The following SMG7 variants were observed in gnomAD, a reference collection of about 807,000 sequenced individuals.
SMG7 encodes nonsense-mediated mRNA decay factor SMG7.
In SMG7, 34 loss-of-function variants were observed where a neutral mutation model predicts 148.2. The ratio of observed to expected loss-of-function variants is 0.23; its 90% CI spans 0.17 to 0.31. SMG7 has a LOEUF of 0.31. Among genes scored for constraint, SMG7 ranks in the 10% least tolerant of loss-of-function variants. SMG7 has a pLI of 1.00. For missense variants in SMG7, 1,114 were observed against 1,408.4 expected (o/e 0.79, Z 3.35); for synonymous variants, 492 against 515.1 (o/e 0.96, Z 0.61).
Position 183,542,172 on chromosome 1 carries a change from C to T in SMG7, c.1512C>T (p.Leu504=), listed in dbSNP as rs745637571. The change falls in exon 14 of 23, where the codon CTC becomes CTT. Residue 504 remains leucine, a synonymous_variant. Coordinates refer to ENST00000688051, the MANE Select transcript of SMG7 (RefSeq NM_001375584.1). ...LEDPSEAKEN[L]ILQETSVIES... ...ACCCCAGTGAAGCCAAAGAGAACCT[C>T]ATTCTGCAAGAAACATCTGTGATAG... The T allele has an allele frequency of 6.2e-7, 1 of 1,614,118 alleles. No homozygotes were observed.
intron 9 of SMG7, 69 bp downstream of exon 9, chr1:183,533,395 T>G: frequency 4.8e-6 from 7 of 1,451,670 alleles, no homozygotes; most frequent in Non-Finnish European, 6.7e-6. Flanking sequence ...TTCATCGATG[T>G]AGCAAAGCAC....
intron 4 of SMG7, among the ~76,000 whole-genome samples, chr1:183,526,135 A>G (rs971931529): frequency 7.4e-6 from 1 of 135,550 alleles, no homozygotes; most frequent in South Asian, 2.4e-4. Flanking sequence ...AGATTAACGT[A>G]TAATATATAT....
intron 12 of SMG7, among the ~76,000 whole-genome samples, chr1:183,538,786 T>C (rs1326653698): frequency 2.0e-5 from 3 of 152,132 alleles, no homozygotes; most frequent in African/African-American, 4.8e-5. Context: ...TTTAGCCTAG[T>C]AACATTTAAG....
At chr1:183,535,922 T>G (rs1667684489) in intron 10 of SMG7, among the ~76,000 whole-genome samples, 1 of 152,122 alleles carries the variant, frequency 6.6e-6, no homozygotes, top group Non-Finnish European at 1.5e-5. Context: ...CAAAGGTTTG[T>G]AGCAGACGTT....
At chr1:183,509,114 C>T (rs1268774446) in intron 1 of SMG7, among the ~76,000 whole-genome samples, 13 of 152,080 alleles carry the variant, frequency 8.5e-5, no homozygotes, top group Non-Finnish European at 4.4e-5. Flanking sequence ...CTGAAAACAG[C>T]CACAGACAAC....
chr1:183,543,943 A>G (rs908261138), intron 14 of SMG7, among the ~76,000 whole-genome samples: 12 of 152,230 alleles, frequency 7.9e-5, no homozygotes, highest in Admixed American at 4.6e-4. Context: ...CTATGGGTTA[A>G]TAGTCATTAT....
At chr1:183,548,869 G>A (rs1387033005) in intron 18 of SMG7, 1 of 287,492 alleles carries the variant, frequency 3.5e-6, no homozygotes, top group East Asian at 7.5e-5. Context: ...GAACAGTTCA[G>A]CATTTTGTTT....
At chr1:183,523,226 T>C (rs1033780477) in intron 4 of SMG7, among the ~76,000 whole-genome samples, 2 of 152,200 alleles carry the variant, frequency 1.3e-5, no homozygotes, top group African/African-American at 4.8e-5. Context: ...TCTTTCATTC[T>C]TGGCATGGAA....
chr1:183,533,805 A>G lies in SMG7; in HGVS notation c.1136A>G (p.Gln379Arg). ...DWLRLRPRVF[Q>R]EAVVDERQYI... ...CTAAGACTCAGACCCAGGGTCTTTC[A>G]GGAGGCAGTGGTGGATGAAAGACAG... The change falls in exon 10 of 23, where the codon CAG becomes CGG. Residue 379 changes from glutamine (Q) to arginine (R), a missense_variant. Coordinates refer to ENST00000688051, the MANE Select transcript of SMG7 (RefSeq NM_001375584.1). 1 of 1,612,768 alleles carries G rather than the reference A, an allele frequency of 6.2e-7. No homozygotes were observed. Among genetic ancestry groups the G allele is most frequent in the Non-Finnish European group, 8.5e-7 (1 of 1,179,110 alleles).
intron 12 of SMG7, among the ~76,000 whole-genome samples, chr1:183,540,640 T>G (rs1382771133): frequency 6.6e-6 from 1 of 152,204 alleles, no homozygotes; most frequent in Non-Finnish European, 1.5e-5. Context: ...AGCAAATTAC[T>G]TGGCATGCAA....
In SMG7 at chr1:183,527,639, A is replaced by G. The variant is rs1380702387; in HGVS notation, c.485-317A>G. The G allele has an allele frequency of 2.0e-6, 1 of 492,996 alleles. No homozygotes were observed. The highest frequency in any genetic ancestry group is 4.1e-6 in the Non-Finnish European group (1 of 241,562). 30.5% of individuals were successfully genotyped at this position (492,996 alleles called of 1,614,324 possible). A position where few individuals can be genotyped will look rare whatever the true frequency, so the allele number is the denominator to read the frequency against. ...TTTGTTTTTAAGTGCCATATAACTC[A>G]CCCCTTCTTGTGGGCCGGCTCCAGG... is the stretch of plus-strand genomic sequence containing the variant. On this transcript the variant is annotated intron_variant, in intron 5 of 22. Coordinates refer to ENST00000688051, the MANE Select transcript of SMG7 (RefSeq NM_001375584.1). This position sits in a 1 kb window ranked among gnomAD's most constrained non-coding sequence, Gnocchi z 4.0.
chr1:183,517,365 A>G (rs1421077878), intron 3 of SMG7, among the ~76,000 whole-genome samples: 3 of 152,146 alleles, frequency 2.0e-5, no homozygotes, highest in African/African-American at 7.2e-5. Flanking sequence ...CCTTATTTTT[A>G]CTTTGATCTT....
chr1:183,488,758 A>T (rs1214037594), intron 1 of SMG7, among the ~76,000 whole-genome samples: 2 of 129,438 alleles, frequency 1.5e-5, no homozygotes, highest in Admixed American at 1.0e-4. Flanking sequence ...GTCTCAGCTC[A>T]CTGCAACCTC....
At chr1:183,506,869 T>A in intron 1 of SMG7, among the ~76,000 whole-genome samples, 1 of 147,304 alleles carries the variant, frequency 6.8e-6, no homozygotes, top group Admixed American at 7.1e-5. Flanking sequence ...TCTTAGACTA[T>A]ATATTCTTTT....
intron 1 of SMG7, among the ~76,000 whole-genome samples, chr1:183,475,086 T>G (rs1361331264): frequency 6.6e-6 from 1 of 152,250 alleles, no homozygotes; most frequent in Admixed American, 6.5e-5. Flanking sequence ...ATAGCTGGTA[T>G]GTGGAAACTA....
intron 8 of SMG7, 22 bp from the exon 9 acceptor site, chr1:183,533,142 G>C (rs1667163991): frequency 6.2e-7 from 1 of 1,607,934 alleles, no homozygotes; most frequent in Non-Finnish European, 8.5e-7. Context: ...AATATATGCA[G>C]TACGTCTGTC....
In SMG7 at chr1:183,472,615, C is replaced by CGGA; in HGVS notation, c.-2_1dup. The CGGA allele has an allele frequency of 6.9e-7, 1 of 1,444,508 alleles. No individual in the cohort carries two copies. The highest frequency in any genetic ancestry group is 9.2e-7 in the Non-Finnish European group (1 of 1,086,712). The allele number at this position is 1,444,508 out of a possible 1,614,324, so 89.5% of individuals were successfully genotyped here. The stretch of plus-strand genomic sequence containing the variant: ...TCGCGGGAAGACGCGGCGGCGGCGG[C>CGGA]GGAGGATGAGCCTGCAGAGCGCGCA... On this transcript the variant is annotated 5_prime_UTR_variant, in exon 1 of 23. Coordinates refer to ENST00000688051, the MANE Select transcript of SMG7 (RefSeq NM_001375584.1).
rs1650933484 is a variant in SMG7 at position 183,472,647 on chromosome 1, C to G, written c.27C>G (p.Leu9=). The change falls in exon 1 of 23, where the codon CTC becomes CTG. Residue 9 remains leucine, a splice_region_variant and synonymous_variant. Coordinates refer to ENST00000688051, the MANE Select transcript of SMG7 (RefSeq NM_001375584.1). The part of the protein sequence containing the change: MSLQSAQY[L]RQAEVLKADM... ...TGAGCCTGCAGAGCGCGCAGTACCT[C>G]CGGTGAGTGCCGAGGCCGGGCTGGT... is the stretch of plus-strand genomic sequence containing the variant. The G allele has an allele frequency of 3.4e-6, 5 of 1,471,148 alleles. No homozygotes were observed. The highest frequency in any genetic ancestry group is 4.5e-6 in the Non-Finnish European group (5 of 1,102,446). 91.1% of individuals were successfully genotyped at this position (1,471,148 alleles called of 1,614,324 possible).
In SMG7 at chr1:183,512,808, C is replaced by CTTTTTTTTTT. The variant is rs59379855; in HGVS notation, c.30-18_30-9dup. On this transcript the variant is annotated intron_variant, in intron 1 of 22. Transcript: ENST00000688051. ...GCCTCGTTTGTTTCTAACTGATACT[C>CTTTTTTTTTT]TTTTTTTTTTTTTTTTTTTTCTATC... The CTTTTTTTTTT allele has an allele frequency of 4.8e-5, 61 of 1,279,376 alleles. 5 individuals carry two copies. Among genetic ancestry groups the CTTTTTTTTTT allele is most frequent in the East Asian group, 1.1e-4 (4 of 36,058 alleles). The allele number at this position is 1,279,376 out of a possible 1,614,324, so 79.3% of individuals were successfully genotyped here.
Sources: allele counts gnomAD v4.1 joint callset (sites outside exome capture counted in the v4.1 genomes callset), GRCh38; gene constraint gnomAD v4.1.1; non-coding constraint Gnocchi (gnomAD v3.1); transcripts MANE v1.5; gene names NCBI Gene and HGNC (gene_info 2026-07-23, HGNC 2026-07-21).